ADCY9: variants seen among roughly 807,000 people sequenced by gnomAD.
ADCY9 encodes the protein adenylate cyclase type 9.
Under a neutral mutation model 101.5 loss-of-function variants are expected in ADCY9, and 50 were observed. That is an observed-to-expected ratio of 0.49 (90% confidence interval 0.39 to 0.62). The LOEUF (loss-of-function observed/expected upper bound fraction) is 0.62, where lower values mean the gene tolerates loss of function less well. Ranked by LOEUF, ADCY9 falls within the 20% of genes least tolerant of loss-of-function variation. The pLI is 0.00. For missense variants in ADCY9, 1,662 were observed against 1,800.4 expected (o/e 0.92, Z 1.39); for synonymous variants, 905 against 769.3 (o/e 1.18, Z -2.92).
intron 2 of ADCY9, among the ~76,000 whole-genome samples, chr16:4,023,190 C>T (rs1488309432): frequency 1.3e-5 from 2 of 152,190 alleles, no homozygotes; most frequent in Admixed American, 6.5e-5. Flanking sequence ...ATGGGAGCAC[C>T]CGCTGCAGGC....
At position 4,115,891 on chromosome 16, in the gene ADCY9, A is replaced by C; in HGVS notation, c.-245T>G. ...CAGCCCCGCGAGCCGCCTGCGCACAAACAACTCCGCTGGCGGCGCGGAGCC... is the reference window on the plus strand; with the variant it reads ...CAGCCCCGCGAGCCGCCTGCGCACACACAACTCCGCTGGCGGCGCGGAGCC... On this transcript the variant is annotated 5_prime_UTR_variant, in exon 1 of 11. Coordinates refer to ENST00000294016, the MANE Select transcript of ADCY9 (RefSeq NM_001116.4). This position sits in a 1 kb window ranked among gnomAD's most constrained non-coding sequence, Gnocchi z 6.2. 1.3e-5 allele frequency: 5 copies of C among 386,434 alleles called. No individual in the cohort carries two copies. Among genetic ancestry groups the C allele is most frequent in the East Asian group, 3.7e-5 (1 of 27,202 alleles). The allele number at this position is 386,434 out of a possible 1,614,324, so 23.9% of individuals were successfully genotyped here.
chr16:3,998,349 T>G (rs2141710789), intron 3 of ADCY9, among the ~76,000 whole-genome samples: 1 of 152,194 alleles, frequency 6.6e-6, no homozygotes, highest in East Asian at 1.9e-4. Flanking sequence ...AGGGAGAGGC[T>G]GCCATGAGCT....
At position 4,116,168 on chromosome 16, in the gene ADCY9, C is replaced by G. The variant is rs2057151443; in HGVS notation, c.-522G>C. Reference sequence around the variant, plus strand: ...GCCTGCTTCCCCCCGAGTGCGCCGCCGCTCCCGCCGCGGCCGCAGCTGTCC... The same window carrying G: ...GCCTGCTTCCCCCCGAGTGCGCCGCGGCTCCCGCCGCGGCCGCAGCTGTCC... On this transcript the variant is annotated 5_prime_UTR_variant, in exon 1 of 11. Coordinates refer to ENST00000294016, the MANE Select transcript of ADCY9 (RefSeq NM_001116.4). The G allele has an allele frequency of 1.4e-5, 2 of 146,210 alleles. No homozygotes were observed. Among genetic ancestry groups the G allele is most frequent in the African/African-American group, 4.9e-5 (2 of 40,792 alleles). The allele number at this position is 146,210 out of a possible 1,614,324, so 9.1% of individuals were successfully genotyped here.
chr16:3,976,596 T>C (rs2056094481), intron 9 of ADCY9, among the ~76,000 whole-genome samples: 1 of 152,196 alleles, frequency 6.6e-6, no homozygotes, highest in Non-Finnish European at 1.5e-5. Flanking sequence ...AGACCTATGT[T>C]CAGTGACTGG....
chr16:3,959,428 A>G (rs928472433), downstream of ADCY9, among the ~76,000 whole-genome samples: 1 of 152,098 alleles, frequency 6.6e-6, no homozygotes, highest in Admixed American at 6.6e-5. Flanking sequence ...TTCAGTTTAT[A>G]AGTGGAATTC....
intron 2 of ADCY9, among the ~76,000 whole-genome samples, chr16:4,009,681 A>T (rs1309374934): frequency 6.6e-6 from 1 of 152,244 alleles, no homozygotes; most frequent in East Asian, 1.9e-4. Flanking sequence ...ACTGAAATGG[A>T]AACGTGAACT....
intron 2 of ADCY9, among the ~76,000 whole-genome samples, chr16:4,022,864 T>C (rs1489556035): frequency 1.3e-5 from 2 of 152,208 alleles, no homozygotes; most frequent in African/African-American, 4.8e-5. Context: ...ATTCATTCTT[T>C]CAACACATAA....
At chr16:4,005,928 G>A (rs2056364217) in intron 3 of ADCY9, among the ~76,000 whole-genome samples, 1 of 152,100 alleles carries the variant, frequency 6.6e-6, no homozygotes, top group African/African-American at 2.4e-5. Context: ...TCCCTGCCCG[G>A]GTCCGCTGTC....
intron 2 of ADCY9, among the ~76,000 whole-genome samples, chr16:4,083,565 T>C (rs1212976245): frequency 6.6e-6 from 1 of 152,184 alleles, no homozygotes; most frequent in African/African-American, 2.4e-5. Context: ...CCAACATTCA[T>C]AGAAACACTA....
chr16:3,961,078 T>C (rs747308579), downstream of ADCY9, among the ~76,000 whole-genome samples: 7 of 152,128 alleles, frequency 4.6e-5, no homozygotes, highest in South Asian at 2.1e-4. Context: ...CTGGGGCTGA[T>C]TGCAAAAATT....
intron 10 of ADCY9, among the ~76,000 whole-genome samples, chr16:3,969,218 A>G (rs1312501947): frequency 1.3e-5 from 2 of 152,092 alleles, no homozygotes; most frequent in South Asian, 4.1e-4. Flanking sequence ...GCTGCAGATG[A>G]GTGGTGAGTA....
At chr16:3,953,635 G>C (rs1258508177) in intron 5 of ADCY9, 1 of 152,182 alleles carries the variant, frequency 6.6e-6, no homozygotes. Flanking sequence ...CACGCTTTTG[G>C]AATGGACGGA....
rs766419542 is a variant in ADCY9 at position 4,115,223 on chromosome 16, G to A, written c.220C>T (p.Arg74Cys). 3 of 1,613,154 alleles carry A rather than the reference G, an allele frequency of 1.9e-6. No individual in the cohort carries two copies. The highest frequency in any genetic ancestry group is 2.5e-6 in the Non-Finnish European group (3 of 1,179,630). ...AGCTGGGGCAGCTTCTTCTGCCTGCGCAGCCGGCCTCCGCCGCCCACTCGC... is the reference window on the plus strand; with the variant it reads ...AGCTGGGGCAGCTTCTTCTGCCTGCACAGCCGGCCTCCGCCGCCCACTCGC... ...PRRVGGGGRL[R>C]RQKKLPQLFE... Residue 74 changes from arginine (R) to cysteine (C), a missense_variant, in exon 2 of 11, where the codon CGC becomes TGC. Arg to Cys is a radical substitution (Grantham distance 180). Around this residue, in one of 5 missense-constraint regions of ADCY9, gnomAD observed 422 missense variants for 392.0 expected, o/e 1.08. Coordinates refer to ENST00000294016, the MANE Select transcript of ADCY9 (RefSeq NM_001116.4). This position sits in a 1 kb window ranked among gnomAD's most constrained non-coding sequence, Gnocchi z 6.2.
At chr16:4,097,553 ATTTTTTTT>A (rs35732229) in intron 2 of ADCY9, among the ~76,000 whole-genome samples, 7,243 of 53,272 alleles carry the variant, frequency 0.14, 474 homozygotes, top group Middle Eastern at 0.27. Context: ...ATATATATAT[ATTTTTTTT>A]TTTTTTTTTT....
chr16:3,967,565 T>A (rs964606), intron 10 of ADCY9, among the ~76,000 whole-genome samples: 119,990 of 150,874 alleles, frequency 0.8, 50,971 homozygotes, highest in East Asian at 1. Context: ...AATTAAAAAA[T>A]TTTTTTTTTG....
intron 2 of ADCY9, among the ~76,000 whole-genome samples, chr16:4,087,069 C>A (rs1216258267): frequency 2.6e-5 from 4 of 152,080 alleles, no homozygotes; most frequent in Non-Finnish European, 1.5e-5. Context: ...CGCCCTACAT[C>A]CCAACAAGTT....
rs114483898 is a variant in ADCY9 at position 4,038,540 on chromosome 16, A to G, written c.1694-30982T>C. On this transcript the variant is annotated intron_variant, in intron 2 of 10. Transcript: ENST00000294016. ...CCAGAACTGTAAGAAATAAATTTCT[A>G]TTGTTTGGAAATCACCCAGTTGCAG... is the stretch of plus-strand genomic sequence containing the variant. Among the ~76,000 whole-genome samples, 283 of 152,262 alleles carry G rather than the reference A, an allele frequency of 1.9e-3. 3 individuals carry two copies. The highest frequency in any genetic ancestry group is 6.4e-3 in the African/African-American group (267 of 41,548).
At chr16:4,063,872 G>C (rs1334684992) in intron 2 of ADCY9, among the ~76,000 whole-genome samples, 1 of 152,116 alleles carries the variant, frequency 6.6e-6, no homozygotes, top group East Asian at 1.9e-4. Context: ...CCAAAAGTTG[G>C]TTCTTTGTTC....
intron 2 of ADCY9, among the ~76,000 whole-genome samples, chr16:4,014,789 C>CTG (rs2056426890): frequency 6.6e-6 from 1 of 150,720 alleles, no homozygotes; most frequent in African/African-American, 2.4e-5. Flanking sequence ...TTCTCTCTCT[C>CTG]TCTCCCTCCC....
Sources: gnomAD v4.1 joint callset for allele counts (sites outside exome capture counted in the v4.1 genomes callset) on GRCh38, gnomAD v4.1.1 for gene constraint, gnomAD v4.1.1 regional missense constraint, Gnocchi (gnomAD v3.1) non-coding constraint, MANE v1.5 for transcripts, NCBI Gene and HGNC (gene_info 2026-07-23, HGNC 2026-07-21) for gene names.